KCNQ3: variants seen among roughly 807,000 people sequenced by gnomAD.
The protein encoded by KCNQ3 is potassium voltage-gated channel subfamily KQT member 3.
In KCNQ3, 30 loss-of-function variants were observed where a neutral mutation model predicts 92.5. The ratio of observed to expected loss-of-function variants is 0.32; its 90% CI spans 0.24 to 0.44. The LOEUF is 0.44. Ranked by LOEUF, KCNQ3 falls within the 20% of genes least tolerant of loss-of-function variation. KCNQ3 has a pLI of 1.00. For synonymous variants in KCNQ3, 450 were observed against 468.8 expected (o/e 0.96, Z 0.52); for missense variants, 913 against 1,140.3 (o/e 0.80, Z 2.87).
chr8:132,379,982 G>A (rs1819703136), intron 1 of KCNQ3, among the ~76,000 whole-genome samples: 1 of 150,684 alleles, frequency 6.6e-6, no homozygotes, highest in African/African-American at 2.4e-5. Flanking sequence ...TAGTTGTGAT[G>A]ATAATAGTAA....
intron 1 of KCNQ3, among the ~76,000 whole-genome samples, chr8:132,452,283 C>T (rs1265696022): frequency 2.6e-5 from 4 of 152,148 alleles, no homozygotes; most frequent in African/African-American, 7.2e-5. Flanking sequence ...ACCACCGCCC[C>T]ACTCTCTATT....
chr8:132,475,339 CAGA>C (rs1822386985), intron 1 of KCNQ3, among the ~76,000 whole-genome samples: 3 of 152,228 alleles, frequency 2.0e-5, no homozygotes, highest in South Asian at 2.1e-4. Context: ...CTAGAGGGCT[CAGA>C]AGAAGATCAG....
intron 1 of KCNQ3, among the ~76,000 whole-genome samples, chr8:132,444,302 C>A (rs563790361): frequency 1.3e-5 from 2 of 152,338 alleles, no homozygotes; most frequent in Admixed American, 1.3e-4. Flanking sequence ...CCAACTGGTT[C>A]CTGGCATTAA....
rs576787172 is a variant in KCNQ3 at position 132,392,851 on chromosome 8, C to T, written c.386+87296G>A. Among the ~76,000 whole-genome samples, 3 of 149,306 alleles carry T rather than the reference C, an allele frequency of 2.0e-5. No individual in the cohort carries two copies. In the South Asian group the frequency reaches 6.4e-4, roughly 32 times the overall value. On this transcript the variant is annotated intron_variant, in intron 1 of 14. Transcript: ENST00000388996. ...ACTGCAACATTCTCCCCCTTATCAG[C>T]TCTTACCATATCATATTTTAGTCCA...
intron 1 of KCNQ3, among the ~76,000 whole-genome samples, chr8:132,191,712 C>T (rs1827168980): frequency 6.6e-6 from 1 of 151,412 alleles, no homozygotes. Flanking sequence ...CAGGTCTCTG[C>T]CAGGACAGCA....
intron 10 of KCNQ3, chr8:132,140,863 G>A (rs1825271749): frequency 2.0e-6 from 1 of 509,616 alleles, no homozygotes; most frequent in Non-Finnish European, 3.6e-6. Flanking sequence ...GGGGGGTCGG[G>A]GCGGACCCTT....
intron 9 of KCNQ3, among the ~76,000 whole-genome samples, chr8:132,149,359 C>T (rs1180684852): frequency 6.6e-6 from 1 of 152,196 alleles, no homozygotes; most frequent in Admixed American, 6.5e-5. Flanking sequence ...TTAATAGGAA[C>T]CCTTCTCGCT....
chr8:132,285,169 CG>C (rs1816644381), intron 1 of KCNQ3, among the ~76,000 whole-genome samples: 3 of 152,120 alleles, frequency 2.0e-5, no homozygotes, highest in African/African-American at 7.2e-5. Flanking sequence ...GGTAATGGGT[CG>C]GGGCTGAACA....
chr8:132,400,375 GCTCAAGTCTGCGTTTCATACAATAAC>G (rs1414114005), intron 1 of KCNQ3, among the ~76,000 whole-genome samples: 1 of 152,182 alleles, frequency 6.6e-6, no homozygotes, highest in Non-Finnish European at 1.5e-5. Flanking sequence ...ACATCCTTGT[GCTCAAGTCTGCGTTTCATACAATAAC>G]CTAAATGAAA....
chr8:132,448,098 G>T (rs1821728383), intron 1 of KCNQ3, among the ~76,000 whole-genome samples: 1 of 152,114 alleles, frequency 6.6e-6, no homozygotes. Flanking sequence ...TATTGTCAAA[G>T]AATTTGACAA....
At chr8:132,475,224 A>C (rs1415425027) in intron 1 of KCNQ3, among the ~76,000 whole-genome samples, 1 of 152,178 alleles carries the variant, frequency 6.6e-6, no homozygotes, top group African/African-American at 2.4e-5. Flanking sequence ...GTGAAAATGG[A>C]CTAATACAGG....
intron 1 of KCNQ3, among the ~76,000 whole-genome samples, chr8:132,204,127 C>A (rs546416571): frequency 6.6e-6 from 1 of 152,166 alleles, no homozygotes; most frequent in Non-Finnish European, 1.5e-5. Context: ...GAAAAATGTG[C>A]ATCTTAGAAC....
At chr8:132,287,778 G>A (rs1187589316) in intron 1 of KCNQ3, among the ~76,000 whole-genome samples, 1 of 152,130 alleles carries the variant, frequency 6.6e-6, no homozygotes, top group African/African-American at 2.4e-5. Flanking sequence ...GATTACCAGG[G>A]ACTGGGGAAA....
chr8:132,463,075 C>T (rs1317664312), intron 1 of KCNQ3, among the ~76,000 whole-genome samples: 2 of 152,244 alleles, frequency 1.3e-5, no homozygotes, highest in Middle Eastern at 3.4e-3. Flanking sequence ...ATAAATAGCC[C>T]TGTTTTGGAA....
At chr8:132,415,501 C>T (rs1405872684) in intron 1 of KCNQ3, among the ~76,000 whole-genome samples, 3 of 152,222 alleles carry the variant, frequency 2.0e-5, no homozygotes, top group Non-Finnish European at 4.4e-5. Context: ...GGCTGCAGAA[C>T]CAAACAGCAG....
intron 1 of KCNQ3, among the ~76,000 whole-genome samples, chr8:132,431,610 T>C (rs1163346360): frequency 6.9e-6 from 1 of 144,768 alleles, no homozygotes; most frequent in African/African-American, 2.4e-5. Flanking sequence ...CATGTAAACA[T>C]ATGTATGGGT....
At position 132,129,927 on chromosome 8, in the gene KCNQ3, C is replaced by A; in HGVS notation, c.1954G>T (p.Val652Leu). ...GTTGGGTAATACTCCGTGACCTGCA[C>A]CTGCAACCGTTCCATGTGTTGCATG... is the stretch of plus-strand genomic sequence containing the variant. ...MHMQHMERLQVQVTEYYPTKG... is the reference protein window; with the variant it reads ...MHMQHMERLQLQVTEYYPTKG... The change falls in exon 15 of 15, where the codon GTG (valine) becomes TTG (leucine). Residue 652 changes from valine to leucine, a missense_variant. Coordinates refer to ENST00000388996, the MANE Select transcript of KCNQ3 (RefSeq NM_004519.4). This position sits in a 1 kb window ranked among gnomAD's most constrained non-coding sequence, Gnocchi z 5.9. 6.2e-7 allele frequency: 1 copy of A among 1,614,136 alleles called. No homozygotes were observed. Among genetic ancestry groups the A allele is most frequent in the Non-Finnish European group, 8.5e-7 (1 of 1,180,024 alleles).
intron 1 of KCNQ3, among the ~76,000 whole-genome samples, chr8:132,354,540 G>A (rs930895): frequency 0.37 from 56,434 of 151,974 alleles, 12,243 homozygotes; most frequent in African/African-American, 0.6. Flanking sequence ...GAGCCACTAA[G>A]ACCAGGCAGG....
At chr8:132,323,605 G>A (rs962245103) in intron 1 of KCNQ3, among the ~76,000 whole-genome samples, 6 of 152,110 alleles carry the variant, frequency 3.9e-5, no homozygotes, top group Non-Finnish European at 5.9e-5. Flanking sequence ...AACCACGATT[G>A]GGCTTATTGC....
Sources: allele counts gnomAD v4.1 joint callset (sites outside exome capture counted in the v4.1 genomes callset), GRCh38; gene constraint gnomAD v4.1.1; non-coding constraint Gnocchi (gnomAD v3.1); transcripts MANE v1.5; gene names NCBI Gene and HGNC (gene_info 2026-07-23, HGNC 2026-07-21).